Variants in AIG1 observed in about 807,000 individuals in gnomAD.
AIG1 encodes androgen induced 1.
In AIG1, 23 loss-of-function variants were observed where a neutral mutation model predicts 31.4. That is an observed-to-expected ratio of 0.73 (90% CI 0.53 to 1.04). The LOEUF is 1.04. Ranked by LOEUF, AIG1 falls within the 50% of genes least tolerant of loss-of-function variation. AIG1 has a pLI of 0.00. For synonymous variants in AIG1, 100 were observed against 110.5 expected, an observed-to-expected ratio of 0.90 and a Z score of 0.60; for missense variants, 274 against 295.0, an observed-to-expected ratio of 0.93 and a Z score of 0.52.
chr6:143,071,127 T>TA (rs1390178057), intron 1 of AIG1, among the ~76,000 whole-genome samples: 2 of 152,252 alleles, frequency 1.3e-5, no homozygotes, highest in African/African-American at 2.4e-5. Flanking sequence ...TGACAGCCAT[T>TA]AATTTGTTCT....
chr6:143,224,913 C>T (rs991380016), intron 3 of AIG1, among the ~76,000 whole-genome samples: 3 of 152,122 alleles, frequency 2.0e-5, no homozygotes, highest in Non-Finnish European at 4.4e-5. Context: ...CTTCTGAAAC[C>T]ACATCTCTTA....
intron 3 of AIG1, among the ~76,000 whole-genome samples, chr6:143,168,982 G>T (rs966819477): frequency 6.6e-6 from 1 of 151,114 alleles, no homozygotes; most frequent in African/African-American, 2.4e-5. Flanking sequence ...TGACATGAAG[G>T]CAAGAAAAAT....
At chr6:143,322,651 A>G (rs1266442672) in intron 4 of AIG1, among the ~76,000 whole-genome samples, 1 of 152,230 alleles carries the variant, frequency 6.6e-6, no homozygotes, top group East Asian at 1.9e-4. Flanking sequence ...ATGGAAGCAC[A>G]TCACTTAAAA....
intron 3 of AIG1, chr6:143,189,721 C>T (rs1277367560): frequency 3.0e-6 from 3 of 985,258 alleles, no homozygotes; most frequent in East Asian, 2.3e-4. Flanking sequence ...CAATTTCCCT[C>T]AAAACCCTCA....
chr6:143,091,120 G>T lies in AIG1; in HGVS notation c.141+30054G>T, dbSNP rs9390051. On this transcript the variant is annotated intron_variant, in intron 1 of 5. Coordinates refer to ENST00000357847, the MANE Select transcript of AIG1 (RefSeq NM_016108.4). ...TACCTGATCTGTTCAAGTGTGTCAT[G>T]ACGTTGCAGCAATTCAATCATATCT... Among the ~76,000 whole-genome samples, 427 of 152,234 alleles carry T rather than the reference G, an allele frequency of 2.8e-3. 10 individuals carry two copies. In the East Asian group the frequency reaches 0.05, roughly 18 times the overall value.
At position 143,140,335 on chromosome 6, in the gene AIG1, T is replaced by G. The variant is rs560621933; in HGVS notation, c.297+3345T>G. ...TATATCAGTATTTTAACACAAAATT[T>G]TTTTTTCACTAAAACATTTAATTTT... On this transcript the variant is annotated intron_variant, in intron 2 of 5. Transcript: ENST00000357847. 3.6e-4 allele frequency among the ~76,000 whole-genome samples: 55 copies of G among 152,338 alleles called. 1 individual carries two copies. In the South Asian group the frequency reaches 6.6e-3, roughly 18 times the overall value.
At chr6:143,192,450 C>T (rs1452466887) in intron 3 of AIG1, among the ~76,000 whole-genome samples, 1 of 151,914 alleles carries the variant, frequency 6.6e-6, no homozygotes, top group African/African-American at 2.4e-5. Flanking sequence ...ACTAAGAATA[C>T]AAAAATTAGC....
intron 1 of AIG1, among the ~76,000 whole-genome samples, chr6:143,089,726 A>C (rs1583137029): frequency 6.6e-6 from 1 of 152,196 alleles, no homozygotes; most frequent in East Asian, 1.9e-4. Flanking sequence ...GGGAGGAAGC[A>C]AGAGAGAGAG....
chr6:143,135,299 T>C (rs189781064), intron 1 of AIG1, among the ~76,000 whole-genome samples: 2 of 152,160 alleles, frequency 1.3e-5, no homozygotes, highest in East Asian at 3.9e-4. Flanking sequence ...CAAACTCCAT[T>C]AGGGCCAACA....
intron 3 of AIG1, among the ~76,000 whole-genome samples, chr6:143,263,674 CTAAA>C (rs1313630043): frequency 1.3e-5 from 2 of 152,028 alleles, no homozygotes; most frequent in Non-Finnish European, 2.9e-5. Context: ...ATTTATGAAA[CTAAA>C]TATGATAATA....
chr6:143,097,300 T>C (rs1779885442), intron 1 of AIG1, among the ~76,000 whole-genome samples: 1 of 152,074 alleles, frequency 6.6e-6, no homozygotes, highest in Admixed American at 6.6e-5. Flanking sequence ...TTATCACCTT[T>C]CCCAATCCTA....
intron 4 of AIG1, among the ~76,000 whole-genome samples, chr6:143,323,248 G>A (rs1046750459): frequency 6.6e-6 from 1 of 152,160 alleles, no homozygotes; most frequent in Non-Finnish European, 1.5e-5. Context: ...CAAAAATGAT[G>A]TAAGACTTTC....
intron 1 of AIG1, among the ~76,000 whole-genome samples, chr6:143,069,747 G>C (rs1777081544): frequency 6.6e-6 from 1 of 152,122 alleles, no homozygotes; most frequent in South Asian, 2.1e-4. Context: ...TTTTCTTCCT[G>C]TCTGTAGTTT....
chr6:143,212,396 G>T (rs1791661661), intron 3 of AIG1, among the ~76,000 whole-genome samples: 1 of 152,152 alleles, frequency 6.6e-6, no homozygotes, highest in Non-Finnish European at 1.5e-5. Context: ...CCTGCAGGAT[G>T]GGAAGGAGCA....
Position 143,298,066 on chromosome 6 carries a change from CAA to C in AIG1, c.515+13852_515+13853del, listed in dbSNP as rs11290879. On this transcript the variant is annotated intron_variant, in intron 4 of 5. Transcript: ENST00000357847. This position sits in a 1 kb window ranked among gnomAD's most constrained non-coding sequence, Gnocchi z 5.1. The stretch of plus-strand genomic sequence containing the variant: ...AATTTAGCCCTGTGACATTCTGCTG[CAA>C]AAAAAAAAAACATTGGATAAGAAAG... Among the ~76,000 whole-genome samples the C allele has an allele frequency of 4.9e-5, 7 of 141,658 alleles. No homozygotes were observed. Among genetic ancestry groups the C allele is most frequent in the African/African-American group, 7.6e-5 (3 of 39,440 alleles). The allele number at this position is 141,658 out of a possible 152,430, so 92.9% of individuals were successfully genotyped here.
intron 1 of AIG1, among the ~76,000 whole-genome samples, chr6:143,063,388 A>G (rs1298469437): frequency 1.3e-5 from 2 of 152,186 alleles, no homozygotes; most frequent in African/African-American, 2.4e-5. Flanking sequence ...GAAACATAAT[A>G]ATTATCTTTA....
chr6:143,251,471 A>G (rs941587735), intron 3 of AIG1, among the ~76,000 whole-genome samples: 7 of 152,124 alleles, frequency 4.6e-5, no homozygotes, highest in Admixed American at 3.9e-4. Flanking sequence ...GAAAACAAAC[A>G]CACCTGACAC....
At chr6:143,139,576 C>A (rs1784081929) in intron 2 of AIG1, among the ~76,000 whole-genome samples, 1 of 151,954 alleles carries the variant, frequency 6.6e-6, no homozygotes, top group Admixed American at 6.6e-5. Flanking sequence ...TCATAATCAT[C>A]CCTGTTACTG....
chr6:143,162,504 A>G (rs1206745399), intron 2 of AIG1, among the ~76,000 whole-genome samples: 5 of 152,242 alleles, frequency 3.3e-5, no homozygotes, highest in African/African-American at 1.2e-4. Context: ...ACATGATGCC[A>G]AGATTCCATC....
Sources: gnomAD v4.1 joint callset for allele counts (sites outside exome capture counted in the v4.1 genomes callset) on GRCh38, gnomAD v4.1.1 for gene constraint, Gnocchi (gnomAD v3.1) non-coding constraint, MANE v1.5 for transcripts, NCBI Gene and HGNC (gene_info 2026-07-23, HGNC 2026-07-21) for gene names.